The following LRP1B variants were observed in gnomAD, a reference collection of about 807,000 sequenced individuals.
LRP1B encodes LDL receptor related protein 1B.
A neutral mutation model predicts 556.6 loss-of-function variants in LRP1B; 217 were observed. That is an observed-to-expected ratio of 0.39 (90% CI 0.35 to 0.44). The LOEUF is 0.44. LRP1B is among the 20% of genes least tolerant of loss of function. The pLI, the probability that LRP1B is intolerant of heterozygous loss-of-function variation, is 1.00. For synonymous variants in LRP1B, 2,047 were observed against 1,865.8 expected, an observed-to-expected ratio of 1.10 and a Z score of -2.50; for missense variants, 5,053 against 5,620.8, an observed-to-expected ratio of 0.90 and a Z score of 3.23.
At chr2:141,929,814 T>C (rs1700436622) in intron 1 of LRP1B, among the ~76,000 whole-genome samples, 1 of 148,970 alleles carries the variant, frequency 6.7e-6, no homozygotes, top group African/African-American at 2.5e-5. Context: ...TTGCATGAAC[T>C]GAGCACAAGG....
At chr2:141,815,954 G>T (rs1190795775) in intron 1 of LRP1B, among the ~76,000 whole-genome samples, 1 of 152,182 alleles carries the variant, frequency 6.6e-6, no homozygotes, top group African/African-American at 2.4e-5. Flanking sequence ...TAGAATGATT[G>T]CTGTAGCGTT....
At chr2:141,154,253 C>T (rs1422704765) in intron 7 of LRP1B, among the ~76,000 whole-genome samples, 3 of 151,850 alleles carry the variant, frequency 2.0e-5, no homozygotes, top group Non-Finnish European at 4.4e-5. Flanking sequence ...ATAAACATCT[C>T]ACATCTTGAA....
intron 1 of LRP1B, among the ~76,000 whole-genome samples, chr2:142,027,593 C>T (rs1002600910): frequency 1.3e-5 from 2 of 151,740 alleles, no homozygotes; most frequent in Admixed American, 1.3e-4. Flanking sequence ...AACTTCCTCA[C>T]ATACATTTAT....
chr2:141,399,750 T>A (rs973291092), intron 3 of LRP1B, among the ~76,000 whole-genome samples: 4 of 152,216 alleles, frequency 2.6e-5, no homozygotes, highest in African/African-American at 9.7e-5. Context: ...TGTGACTTAT[T>A]TAAAGGACAT....
intron 3 of LRP1B, among the ~76,000 whole-genome samples, chr2:141,444,514 AG>A (rs1681106297): frequency 6.6e-6 from 1 of 152,180 alleles, no homozygotes; most frequent in African/African-American, 2.4e-5. Context: ...TGGTTTTTAA[AG>A]GGAATGCTTC....
intron 1 of LRP1B, among the ~76,000 whole-genome samples, chr2:141,812,694 G>A (rs1696397442): frequency 1.3e-5 from 2 of 152,180 alleles, no homozygotes; most frequent in South Asian, 4.1e-4. Flanking sequence ...AAATACTTAA[G>A]AAAAGGTAAT....
chr2:141,563,594 T>G (rs191742619), intron 2 of LRP1B, among the ~76,000 whole-genome samples: 1 of 152,036 alleles, frequency 6.6e-6, no homozygotes, highest in Non-Finnish European at 1.5e-5. Context: ...TGAGAGAAGT[T>G]GTAAAACTAT....
Position 140,600,767 on chromosome 2 carries a change from GTTT to G in LRP1B, c.6989+680_6989+682del, listed in dbSNP as rs61336155. ...CCTTACCTGTGCTTTGTTCTTCGGG[GTTT>G]TTTTTTTTTTTTTTTTTTTTTTTAC... On this transcript the variant is annotated intron_variant, in intron 42 of 90. Transcript: ENST00000389484. Among the ~76,000 whole-genome samples, 8 of 56,896 alleles carry G rather than the reference GTTT, an allele frequency of 1.4e-4. 1 individual carries two copies. Among genetic ancestry groups the G allele is most frequent in the East Asian group, 7.3e-4 (2 of 2,744 alleles). The allele number at this position is 56,896 out of a possible 152,430, so 37.3% of individuals were successfully genotyped here. A position where few individuals can be genotyped will look rare whatever the true frequency, so the allele number is the denominator to read the frequency against.
In LRP1B at chr2:140,601,668, A is replaced by G. The variant is rs76357349; in HGVS notation, c.6800-29T>C. 9.4e-6 allele frequency: 14 copies of G among 1,493,994 alleles called. No individual in the cohort carries two copies. The East Asian group carries it at 3.1e-4, about 33-fold the overall frequency. 92.5% of individuals were successfully genotyped at this position (1,493,994 alleles called of 1,614,324 possible). On this transcript the variant is annotated intron_variant, in intron 41 of 90. Coordinates refer to ENST00000389484, the MANE Select transcript of LRP1B (RefSeq NM_018557.3). The stretch of plus-strand genomic sequence containing the variant: ...GTGGGGGAAGAAAAAGAAAAAATAT[A>G]TACTTTTATTTACAAAAAAATGACT...
chr2:140,283,668 T>C (rs1025895857), intron 84 of LRP1B, among the ~76,000 whole-genome samples: 1 of 151,750 alleles, frequency 6.6e-6, no homozygotes, highest in African/African-American at 2.4e-5. Context: ...AGTATCAGCA[T>C]TTAAATTTTT....
intron 2 of LRP1B, among the ~76,000 whole-genome samples, chr2:141,523,771 G>A (rs1225741883): frequency 1.3e-5 from 2 of 152,128 alleles, no homozygotes; most frequent in African/African-American, 4.8e-5. Context: ...CTTTGTTAGT[G>A]TCAGGCAAAA....
chr2:141,788,617 G>A (rs1261574736), intron 2 of LRP1B, among the ~76,000 whole-genome samples: 1 of 151,726 alleles, frequency 6.6e-6, no homozygotes, highest in African/African-American at 2.4e-5. Flanking sequence ...GTGCCATGTT[G>A]GTGTGCTGCA....
At chr2:140,579,413 C>G (rs1459398392) in intron 43 of LRP1B, among the ~76,000 whole-genome samples, 2 of 151,988 alleles carry the variant, frequency 1.3e-5, no homozygotes, top group African/African-American at 4.8e-5. Context: ...AACTTAAGGC[C>G]AAAGTACCAG....
chr2:142,082,648 C>T (rs879537270), intron 1 of LRP1B, among the ~76,000 whole-genome samples: 1 of 152,132 alleles, frequency 6.6e-6, no homozygotes, highest in South Asian at 2.1e-4. Flanking sequence ...GAGCATCAGG[C>T]CTGTGACACC....
At position 141,160,076 on chromosome 2, in the gene LRP1B, T is replaced by G. The variant is rs190028718; in HGVS notation, c.1013+28345A>C. On this transcript the variant is annotated intron_variant, in intron 7 of 90. Transcript: ENST00000389484. ...CATCAGTATACCTGTGTAACAAACCTGCATGTTCTGCACATGTATCCCATT... is the reference window on the plus strand; with the variant it reads ...CATCAGTATACCTGTGTAACAAACCGGCATGTTCTGCACATGTATCCCATT... Among the ~76,000 whole-genome samples, 654 of 152,102 alleles carry G rather than the reference T, an allele frequency of 4.3e-3. 8 individuals carry two copies. Among genetic ancestry groups the G allele is most frequent in the African/African-American group, 0.015 (621 of 41,488 alleles).
intron 1 of LRP1B, among the ~76,000 whole-genome samples, chr2:141,883,540 C>A (rs1699021504): frequency 6.6e-6 from 1 of 152,046 alleles, no homozygotes; most frequent in East Asian, 1.9e-4. Context: ...GCCAACGTAG[C>A]AAGACCCTGT....
chr2:141,769,934 C>T (rs1694843442), intron 2 of LRP1B, among the ~76,000 whole-genome samples: 1 of 152,136 alleles, frequency 6.6e-6, no homozygotes, highest in Non-Finnish European at 1.5e-5. Flanking sequence ...TCTCAAGTTA[C>T]CCAGAGACTT....
chr2:141,989,785 T>C (rs1202044299), intron 1 of LRP1B, among the ~76,000 whole-genome samples: 1 of 152,086 alleles, frequency 6.6e-6, no homozygotes, highest in Non-Finnish European at 1.5e-5. Flanking sequence ...TTAAGTTTCC[T>C]GAGGCCTCCC....
At chr2:141,821,488 G>T (rs961936287) in intron 1 of LRP1B, among the ~76,000 whole-genome samples, 3 of 152,124 alleles carry the variant, frequency 2.0e-5, no homozygotes, top group Non-Finnish European at 4.4e-5. Flanking sequence ...CAGGATGAAG[G>T]CCAGCAATAA....
Sources: gnomAD v4.1 joint callset for allele counts (sites outside exome capture counted in the v4.1 genomes callset) on GRCh38, gnomAD v4.1.1 for gene constraint, MANE v1.5 for transcripts, NCBI Gene and HGNC (gene_info 2026-07-23, HGNC 2026-07-21) for gene names.